The following KCNH8 variants were observed in gnomAD, a reference collection of about 807,000 sequenced individuals.
KCNH8 encodes the protein potassium voltage-gated channel subfamily H member 8, also known as voltage-gated delayed rectifier potassium channel KCNH8.
A neutral mutation model predicts 103.6 loss-of-function variants in KCNH8; 70 were observed. That is an observed-to-expected ratio of 0.68 (90% CI 0.56 to 0.82). KCNH8 has a LOEUF of 0.82. KCNH8 is among the 40% of genes least tolerant of loss of function. The probability of loss-of-function intolerance (pLI) is 0.00; values close to 1 mark genes in which losing one functional copy is unlikely to be tolerated. For missense variants in KCNH8, 1,217 were observed against 1,329.9 expected (o/e 0.92, Z 1.32); for synonymous variants, 498 against 489.4 (o/e 1.02, Z -0.23).
chr3:19,411,973 C>T (rs1454376490), intron 7 of KCNH8, among the ~76,000 whole-genome samples: 1 of 151,520 alleles, frequency 6.6e-6, no homozygotes, highest in Non-Finnish European at 1.5e-5. Flanking sequence ...ACAGACTCAG[C>T]ACTATTTATA....
At chr3:19,367,953 C>G (rs1032216024) in intron 5 of KCNH8, among the ~76,000 whole-genome samples, 3 of 151,928 alleles carry the variant, frequency 2.0e-5, no homozygotes, top group African/African-American at 7.2e-5. Context: ...AATCTAAATG[C>G]TAGGTGTTAG....
chr3:19,268,768 T>C (rs887142007), intron 2 of KCNH8, among the ~76,000 whole-genome samples: 73 of 152,188 alleles, frequency 4.8e-4, no homozygotes, highest in African/African-American at 1.7e-3. Context: ...GGCCCAGCAC[T>C]CAGTGTTTTC....
chr3:19,227,849 A>G (rs969864030), intron 1 of KCNH8, among the ~76,000 whole-genome samples: 5 of 152,328 alleles, frequency 3.3e-5, no homozygotes, highest in Non-Finnish European at 5.9e-5. Context: ...TTGTGTTTCC[A>G]CTATACATGA....
At chr3:19,448,128 A>G (rs932703224) in intron 8 of KCNH8, among the ~76,000 whole-genome samples, 1 of 151,918 alleles carries the variant, frequency 6.6e-6, no homozygotes, top group Non-Finnish European at 1.5e-5. Flanking sequence ...CTGAGCAAAT[A>G]CTGTTTTTGA....
chr3:19,330,090 T>C (rs1437725680), intron 3 of KCNH8, among the ~76,000 whole-genome samples: 2 of 152,112 alleles, frequency 1.3e-5, no homozygotes, highest in African/African-American at 4.8e-5. Context: ...TACTCTCAAT[T>C]TTGTCTCCCG....
intron 10 of KCNH8, among the ~76,000 whole-genome samples, chr3:19,454,218 T>C (rs2067496376): frequency 6.7e-6 from 1 of 149,922 alleles, no homozygotes; most frequent in South Asian, 2.1e-4. Context: ...AAGGGGAGAA[T>C]TTAACACTCT....
At chr3:19,493,953 T>C (rs764923211) in intron 11 of KCNH8, among the ~76,000 whole-genome samples, 1 of 152,204 alleles carries the variant, frequency 6.6e-6, no homozygotes. Flanking sequence ...TCATCAGCCA[T>C]GTACTAAGCC....
chr3:19,271,622 A>T (rs937351112), intron 2 of KCNH8, among the ~76,000 whole-genome samples: 4 of 152,180 alleles, frequency 2.6e-5, no homozygotes, highest in African/African-American at 9.6e-5. Flanking sequence ...ATAACTATTT[A>T]AAATGCATAT....
intron 10 of KCNH8, 33 bp from the exon 11 acceptor site, chr3:19,456,735 T>G: frequency 6.7e-7 from 1 of 1,496,850 alleles, no homozygotes; most frequent in Non-Finnish European, 9.3e-7. Flanking sequence ...CTTGCTTTTT[T>G]TTTTTGAAAA....
rs772268860 is a variant in KCNH8, at chr3:19,518,049, A to T, written c.2594A>T (p.Gln865Leu). Reference protein sequence around the residue: ...VLFIKAEETKQQINKLNSEVT... With the variant: ...VLFIKAEETKLQINKLNSEVT... ...TTCATCAAAGCAGAGGAGACCAAGC[A>T]GCAGATAAACAAACTCAACAGTGAG... Residue 865 changes from glutamine (Q) to leucine (L), a missense_variant, in exon 15 of 16, where the codon CAG becomes CTG. By Grantham distance (113) the Gln-to-Leu change is moderately radical. Transcript: ENST00000328405. 6.2e-7 allele frequency: 1 copy of T among 1,612,226 alleles called. No homozygotes were observed. Among genetic ancestry groups the T allele is most frequent in the Non-Finnish European group, 8.5e-7 (1 of 1,178,758 alleles).
chr3:19,228,571 T>C (rs2063958330), intron 1 of KCNH8, among the ~76,000 whole-genome samples: 1 of 152,224 alleles, frequency 6.6e-6, no homozygotes, highest in South Asian at 2.1e-4. Context: ...TTCTATAATG[T>C]ATTGTGGGAA....
chr3:19,411,148 A>G (rs373134991), intron 7 of KCNH8, among the ~76,000 whole-genome samples: 21 of 152,260 alleles, frequency 1.4e-4, no homozygotes, highest in East Asian at 1.4e-3. Flanking sequence ...GCAACAGCAC[A>G]TCAAAAAGTT....
chr3:19,531,672 C>A (rs2069163763), intron 15 of KCNH8, among the ~76,000 whole-genome samples: 1 of 152,174 alleles, frequency 6.6e-6, no homozygotes, highest in Admixed American at 6.5e-5. Flanking sequence ...TGTCACCTCC[C>A]GATGGACCTG....
chr3:19,434,191 T>C (rs1012074364), intron 7 of KCNH8, among the ~76,000 whole-genome samples: 8 of 152,174 alleles, frequency 5.3e-5, no homozygotes, highest in African/African-American at 9.7e-5. Flanking sequence ...ATTATAGTCA[T>C]GGGCACTAGA....
At chr3:19,378,484 A>C (rs1190427689) in intron 5 of KCNH8, among the ~76,000 whole-genome samples, 2 of 152,214 alleles carry the variant, frequency 1.3e-5, no homozygotes, top group Non-Finnish European at 2.9e-5. Flanking sequence ...TTTTGACTCA[A>C]AGAAAATATG....
chr3:19,362,900 C>G lies in KCNH8; in HGVS notation c.811+14935C>G, dbSNP rs376554187. Among the ~76,000 whole-genome samples, 107 of 152,268 alleles carry G rather than the reference C, an allele frequency of 7.0e-4. 1 individual carries two copies. Among genetic ancestry groups the G allele is most frequent in the South Asian group, 1.7e-3 (8 of 4,820 alleles). On this transcript the variant is annotated intron_variant, in intron 5 of 15. Transcript: ENST00000328405. ...TTCCTGAGCTCAAGTGATCCTCCCC[C>G]CTTAGCCTCCCAAAGTGCCAGGATT...
chr3:19,490,204 C>T (rs2068288795), intron 11 of KCNH8, among the ~76,000 whole-genome samples: 1 of 152,242 alleles, frequency 6.6e-6, no homozygotes, highest in South Asian at 2.1e-4. Flanking sequence ...TCCTTAATCA[C>T]CTGCTTCCTG....
At chr3:19,181,249 T>C (rs2063450415) in intron 1 of KCNH8, among the ~76,000 whole-genome samples, 1 of 152,194 alleles carries the variant, frequency 6.6e-6, no homozygotes, top group African/African-American at 2.4e-5. Flanking sequence ...GTGCTGGTCT[T>C]TGCTGTTTCC....
At chr3:19,492,692 A>G (rs1449897582) in intron 11 of KCNH8, among the ~76,000 whole-genome samples, 1 of 152,120 alleles carries the variant, frequency 6.6e-6, no homozygotes, top group Admixed American at 6.6e-5. Flanking sequence ...TATGAATTTT[A>G]AAATAGTTTC....
Sources: gnomAD v4.1 joint callset for allele counts (sites outside exome capture counted in the v4.1 genomes callset) on GRCh38, gnomAD v4.1.1 for gene constraint, MANE v1.5 for transcripts, NCBI Gene and HGNC (gene_info 2026-07-23, HGNC 2026-07-21) for gene names.